TAGLN: variants seen among roughly 807,000 people sequenced by gnomAD.
TAGLN encodes the protein 22 kDa actin-binding protein.
In TAGLN, 16 loss-of-function variants were observed where a neutral mutation model predicts 21.9. The observed-to-expected ratio is 0.73, with a 90% CI of 0.49 to 1.11. The LOEUF is 1.11. TAGLN is among the 50% of genes least tolerant of loss of function. TAGLN has a pLI of 0.00. For missense variants in TAGLN, 248 were observed against 263.2 expected (o/e 0.94, Z 0.40); for synonymous variants, 96 against 94.9 (o/e 1.01, Z -0.06).
intron 1 of TAGLN, chr11:117,200,339 G>C (rs2031038932): frequency 6.6e-6 from 1 of 152,336 alleles, no homozygotes; most frequent in Non-Finnish European, 1.5e-5. Flanking sequence ...CTGGGCTTCT[G>C]CTGGTAGGGG....
chr11:117,202,812 C>G (rs1383990234), intron 1 of TAGLN, 190 bp from the exon 2 acceptor site: 1 of 465,136 alleles, frequency 2.1e-6, no homozygotes, highest in Non-Finnish European at 3.8e-6. Context: ...CTGGTATCCT[C>G]TTTCCTGGTG....
intron 1 of TAGLN, chr11:117,201,121 G>C (rs930449502): frequency 6.6e-6 from 1 of 152,340 alleles, no homozygotes; most frequent in Non-Finnish European, 1.5e-5. Flanking sequence ...GGGATTGGCT[G>C]TTTGTAGCTG....
At chr11:117,202,321 C>T (rs2031133230) in intron 1 of TAGLN, 3 of 152,330 alleles carry the variant, frequency 2.0e-5, no homozygotes, top group African/African-American at 7.2e-5. Flanking sequence ...CTGGGGTGGG[C>T]GAGTTTTAGT....
Position 117,206,161 on chromosome 11 carries a change from C to T in TAGLN, c.*1802C>T. The T allele has an allele frequency of 6.2e-7, 1 of 1,613,114 alleles. No homozygotes were observed. Among genetic ancestry groups the T allele is most frequent in the South Asian group, 1.1e-5 (1 of 91,004 alleles). ...CCCCTGCTCTCTGTTTCCACTTCGT[C>T]TGGATCCTTGCTGCTGCAAAGTGGC... On this transcript the variant is annotated 3_prime_UTR_variant, in exon 5 of 5. Coordinates refer to ENST00000392951, the MANE Select transcript of TAGLN (RefSeq NM_003186.5).
Position 117,203,728 on chromosome 11 carries a change from G to A in TAGLN, c.359-54G>A. 6 of 1,560,140 alleles carry A rather than the reference G, an allele frequency of 3.8e-6. No individual in the cohort carries two copies. Among genetic ancestry groups the A allele is most frequent in the South Asian group, 2.2e-5 (2 of 89,576 alleles). ...AGAGACGGGGGCAGGCCCTGGCTTGGAGTCTTGTTTATACGTTCTTGATGT... is the reference window on the plus strand; with the variant it reads ...AGAGACGGGGGCAGGCCCTGGCTTGAAGTCTTGTTTATACGTTCTTGATGT... On this transcript the variant is annotated intron_variant, in intron 3 of 4. Transcript: ENST00000392951. The surrounding 1 kb of genome is among the most constrained non-coding windows in gnomAD (Gnocchi z 4.4).
chr11:117,205,851 A>G lies in TAGLN; in HGVS notation c.*1492A>G, dbSNP rs1400354746. On this transcript the variant is annotated 3_prime_UTR_variant, in exon 5 of 5. Transcript: ENST00000392951. The stretch of plus-strand genomic sequence containing the variant: ...ACTTCTCTGGCAGCAATCCTCCACC[A>G]TTTGTATCTTAAGAAGGCCCTCACC... 10 of 660,266 alleles carry G rather than the reference A, an allele frequency of 1.5e-5. No homozygotes were observed. The highest frequency in any genetic ancestry group is 3.2e-5 in the Admixed American group (1 of 30,984). The allele number at this position is 660,266 out of a possible 1,614,324, so 40.9% of individuals were successfully genotyped here. A position where few individuals can be genotyped will look rare whatever the true frequency, so the allele number is the denominator to read the frequency against.
At position 117,203,531 on chromosome 11, in the gene TAGLN, G is replaced by A; in HGVS notation, c.358+47G>A. ...GAGGAGGTGGGCAGGAGGACAGGGTGCTGGGACAGGGAGAGGGAATGACCA... is the reference window on the plus strand; with the variant it reads ...GAGGAGGTGGGCAGGAGGACAGGGTACTGGGACAGGGAGAGGGAATGACCA... On this transcript the variant is annotated intron_variant, in intron 3 of 4. Coordinates refer to ENST00000392951, the MANE Select transcript of TAGLN (RefSeq NM_003186.5). This position sits in a 1 kb window ranked among gnomAD's most constrained non-coding sequence, Gnocchi z 4.4. 1 of 1,600,970 alleles carries A rather than the reference G, an allele frequency of 6.2e-7. No individual in the cohort carries two copies. The highest frequency in any genetic ancestry group is 8.5e-7 in the Non-Finnish European group (1 of 1,170,644).
Position 117,203,528 on chromosome 11 carries a change from G to A in TAGLN, c.358+44G>A, listed in dbSNP as rs2031194224. ...GGGGAGGAGGTGGGCAGGAGGACAG[G>A]GTGCTGGGACAGGGAGAGGGAATGA... On this transcript the variant is annotated intron_variant, in intron 3 of 4. Transcript: ENST00000392951. The surrounding 1 kb of genome is among the most constrained non-coding windows in gnomAD (Gnocchi z 4.4). 1.9e-6 allele frequency: 3 copies of A among 1,604,480 alleles called. No homozygotes were observed. The highest frequency in any genetic ancestry group is 1.7e-6 in the Non-Finnish European group (2 of 1,173,184).
Position 117,203,407 on chromosome 11 carries a change from T to A in TAGLN, c.281T>A (p.Val94Glu). 6.2e-7 allele frequency: 1 copy of A among 1,614,110 alleles called. No individual in the cohort carries two copies. ...ATGGTCTTCAAGCAGATGGAGCAGG[T>A]GGCTCAGTTCCTGAAGGCGGCTGAG... is the stretch of plus-strand genomic sequence containing the variant. ...PSMVFKQMEQ[V>E]AQFLKAAEDY... The change falls in exon 3 of 5, where the codon GTG becomes GAG. Residue 94 changes from valine (V) to glutamate (E), a missense_variant. Val to Glu is a moderately radical substitution (Grantham distance 121, BLOSUM62 -2). Coordinates refer to ENST00000392951, the MANE Select transcript of TAGLN (RefSeq NM_003186.5). This position sits in a 1 kb window ranked among gnomAD's most constrained non-coding sequence, Gnocchi z 4.4.
Position 117,206,269 on chromosome 11 carries a change from T to C in TAGLN, c.*1910T>C. 1 of 1,614,168 alleles carries C rather than the reference T, an allele frequency of 6.2e-7. No homozygotes were observed. On this transcript the variant is annotated 3_prime_UTR_variant, in exon 5 of 5. Coordinates refer to ENST00000392951, the MANE Select transcript of TAGLN (RefSeq NM_003186.5). ...CAGGGTCCACTCCTACAAACTTGAT[T>C]GGAAGCCACATTCCTCTGGCTCAAA...
In TAGLN at chr11:117,203,145, C is replaced by T. The variant is rs919000572; in HGVS notation, c.132C>T (p.Arg44=). 4.4e-6 allele frequency: 7 copies of T among 1,601,830 alleles called. No homozygotes were observed. Residue 44 remains arginine (R), a synonymous_variant, in exon 2 of 5, where the codon CGC becomes CGT. Coordinates refer to ENST00000392951, the MANE Select transcript of TAGLN (RefSeq NM_003186.5). The surrounding 1 kb of genome is among the most constrained non-coding windows in gnomAD (Gnocchi z 4.4). The part of the protein sequence containing the change: ...IIVQCGPDVG[R]PDRGRLGFQV... ...TGCAGTGTGGCCCTGATGTGGGCCG[C>T]CCAGACCGTGGGCGCTTGGGCTTCC...
chr11:117,203,072 A>G lies in TAGLN; in HGVS notation c.59A>G (p.Lys20Arg), dbSNP rs1252336842. ...CGCGAAGTGCAGTCCAAAATCGAGA[A>G]GAAGTATGACGAGGAGCTGGAGGAG... is the stretch of plus-strand genomic sequence containing the variant. ...MSREVQSKIEKKYDEELEERL... is the reference protein window; with the variant it reads ...MSREVQSKIERKYDEELEERL... The change falls in exon 2 of 5, where the codon AAG becomes AGG. Residue 20 changes from lysine (K) to arginine (R), a missense_variant. By Grantham distance (26) the Lys-to-Arg change is conservative. Transcript: ENST00000392951. The surrounding 1 kb of genome is among the most constrained non-coding windows in gnomAD (Gnocchi z 4.4). 1 of 1,611,144 alleles carries G rather than the reference A, an allele frequency of 6.2e-7. No individual in the cohort carries two copies. Among genetic ancestry groups the G allele is most frequent in the Non-Finnish European group, 8.5e-7 (1 of 1,178,632 alleles).
chr11:117,202,131 G>A (rs1470907005), intron 1 of TAGLN: 1 of 152,380 alleles, frequency 6.6e-6, no homozygotes, highest in East Asian at 1.9e-4. Context: ...TCTTGGCTCT[G>A]GAAGATCCCT....
At position 117,204,635 on chromosome 11, in the gene TAGLN, G is replaced by C. The variant is rs17120431; in HGVS notation, c.*276G>C. On this transcript the variant is annotated 3_prime_UTR_variant, in exon 5 of 5. Coordinates refer to ENST00000392951, the MANE Select transcript of TAGLN (RefSeq NM_003186.5). ...CCTCCCTGGGCTAAGCAGGGGAGAA[G>C]CGGGCTGGGGGTAGCCTGGATGTGG... 7.5e-6 allele frequency: 4 copies of C among 533,996 alleles called. No homozygotes were observed. The highest frequency in any genetic ancestry group is 1.4e-5 in the Non-Finnish European group (4 of 288,678). The allele number at this position is 533,996 out of a possible 1,614,324, so 33.1% of individuals were successfully genotyped here.
At position 117,205,533 on chromosome 11, in the gene TAGLN, A is replaced by G. The variant is rs1474970408; in HGVS notation, c.*1174A>G. 1.3e-5 allele frequency: 3 copies of G among 235,300 alleles called. No individual in the cohort carries two copies. Among genetic ancestry groups the G allele is most frequent in the Non-Finnish European group, 2.5e-5 (3 of 119,394 alleles). 14.6% of individuals were successfully genotyped at this position (235,300 alleles called of 1,614,324 possible). A position where few individuals can be genotyped will look rare whatever the true frequency, so the allele number is the denominator to read the frequency against. ...CATCTTGGGAATGGATAATGGAGGC[A>G]GCCGCTTTCAGGACAGGCATGTCCA... On this transcript the variant is annotated 3_prime_UTR_variant, in exon 5 of 5. Coordinates refer to ENST00000392951, the MANE Select transcript of TAGLN (RefSeq NM_003186.5).
rs1205004348 is a variant in TAGLN at position 117,203,591 on chromosome 11, C to T, written c.358+107C>T. The T allele has an allele frequency of 2.9e-6, 4 of 1,374,848 alleles. No individual in the cohort carries two copies. The highest frequency in any genetic ancestry group is 2.6e-5 in the South Asian group (2 of 76,822). 85.2% of individuals were successfully genotyped at this position (1,374,848 alleles called of 1,614,324 possible). A position where few individuals can be genotyped will look rare whatever the true frequency, so the allele number is the denominator to read the frequency against. Reference sequence around the variant, plus strand: ...ACAACTAGGGGTGTGCTTGCCCGCACACAGCAGGGATGGGATATGCCGAGA... The same window carrying T: ...ACAACTAGGGGTGTGCTTGCCCGCATACAGCAGGGATGGGATATGCCGAGA... On this transcript the variant is annotated intron_variant, in intron 3 of 4. Coordinates refer to ENST00000392951, the MANE Select transcript of TAGLN (RefSeq NM_003186.5). The surrounding 1 kb of genome is among the most constrained non-coding windows in gnomAD (Gnocchi z 4.4).
rs988536830 is a variant in TAGLN, at chr11:117,205,943, G to C, written c.*1584G>C. 1.6e-6 allele frequency: 1 copy of C among 632,660 alleles called. No individual in the cohort carries two copies. Among genetic ancestry groups the C allele is most frequent in the African/African-American group, 1.9e-5 (1 of 53,448 alleles). 39.2% of individuals were successfully genotyped at this position (632,660 alleles called of 1,614,324 possible). A position where few individuals can be genotyped will look rare whatever the true frequency, so the allele number is the denominator to read the frequency against. ...AAGCATCAGAACTGCTTTCTGTCAA[G>C]AGCTCCCTAATTTTGGGAAAGAAGA... is the stretch of plus-strand genomic sequence containing the variant. On this transcript the variant is annotated 3_prime_UTR_variant, in exon 5 of 5. Coordinates refer to ENST00000392951, the MANE Select transcript of TAGLN (RefSeq NM_003186.5).
Position 117,204,968 on chromosome 11 carries a change from G to C in TAGLN, c.*609G>C, listed in dbSNP as rs749336964. On this transcript the variant is annotated 3_prime_UTR_variant, in exon 5 of 5. Transcript: ENST00000392951. ...ATTCTTTCAGAGGAAACAGGCCATAGAACAGGAGAGTGAATCTTGGGGACC... is the reference window on the plus strand; with the variant it reads ...ATTCTTTCAGAGGAAACAGGCCATACAACAGGAGAGTGAATCTTGGGGACC... 5 of 195,662 alleles carry C rather than the reference G, an allele frequency of 2.6e-5. No individual in the cohort carries two copies. Among genetic ancestry groups the C allele is most frequent in the Non-Finnish European group, 4.3e-5 (4 of 93,336 alleles). 12.1% of individuals were successfully genotyped at this position (195,662 alleles called of 1,614,324 possible). A position where few individuals can be genotyped will look rare whatever the true frequency, so the allele number is the denominator to read the frequency against.
At position 117,206,393 on chromosome 11, in the gene TAGLN, T is replaced by G; in HGVS notation, c.*2034T>G. ...GCAAGCACCTACGTGAGGCACTGTT[T>G]CCCGAAGCCTACAGCCTTTCTCAGC... On this transcript the variant is annotated 3_prime_UTR_variant, in exon 5 of 5. Transcript: ENST00000392951. The G allele has an allele frequency of 6.3e-6, 10 of 1,579,016 alleles. No individual in the cohort carries two copies. The highest frequency in any genetic ancestry group is 1.2e-5 in the South Asian group (1 of 85,154).
Sources: gnomAD v4.1 joint callset for allele counts on GRCh38, gnomAD v4.1.1 for gene constraint, Gnocchi (gnomAD v3.1) non-coding constraint, MANE v1.5 for transcripts, NCBI Gene and HGNC (gene_info 2026-07-23, HGNC 2026-07-21) for gene names.